Variants in CASP2 observed in about 807,000 individuals in gnomAD.
CASP2 encodes the protein caspase 2.
In CASP2, 38 loss-of-function variants were observed where a neutral mutation model predicts 54.4. The ratio of observed to expected loss-of-function variants is 0.70; its 90% CI spans 0.54 to 0.92. CASP2 has a LOEUF of 0.92. CASP2 is among the 40% of genes least tolerant of loss of function. CASP2 has a pLI of 0.00. For missense variants in CASP2, 512 were observed against 579.6 expected (o/e 0.88, Z 1.20); for synonymous variants, 215 against 216.3 (o/e 0.99, Z 0.05).
At chr7:143,294,840 T>A in intron 6 of CASP2, 67 bp downstream of exon 6, 2 of 1,389,142 alleles carry the variant, frequency 1.4e-6, no homozygotes, top group Non-Finnish European at 2.0e-6. Flanking sequence ...ACCAGAGACA[T>A]CGTTTGTTCC....
At chr7:143,297,525 C>T (rs1801791570) in intron 6 of CASP2, among the ~76,000 whole-genome samples, 1 of 152,190 alleles carries the variant, frequency 6.6e-6, no homozygotes, top group African/African-American at 2.4e-5. Flanking sequence ...GGGCTCATTG[C>T]AACCTCTGCC....
intron 8 of CASP2, chr7:143,300,773 C>G: frequency 2.5e-6 from 3 of 1,185,906 alleles, no homozygotes; most frequent in African/African-American, 1.6e-5. Flanking sequence ...TTTCTTCTTA[C>G]CATTCTTGGG....
At chr7:143,301,283 CAT>C (rs557493874) in intron 8 of CASP2, 3 of 151,862 alleles carry the variant, frequency 2.0e-5, no homozygotes, top group Non-Finnish European at 4.4e-5. Flanking sequence ...TTTAATCTCT[CAT>C]GTGGCCAAAT....
intron 4 of CASP2, chr7:143,293,147 A>C (rs1801636143): frequency 1.6e-6 from 1 of 638,900 alleles, no homozygotes; most frequent in East Asian, 2.8e-5. Flanking sequence ...TTTTTTTCAG[A>C]AATAGGGTCT....
intron 6 of CASP2, among the ~76,000 whole-genome samples, chr7:143,296,052 A>T (rs1052491840): frequency 2.0e-5 from 3 of 152,178 alleles, no homozygotes; most frequent in Non-Finnish European, 4.4e-5. Context: ...ATGGTTTTTC[A>T]AGTTGTATGC....
chr7:143,292,839 C>T (rs897340884), intron 4 of CASP2, 141 bp downstream of exon 4: 25 of 706,628 alleles, frequency 3.5e-5, no homozygotes, highest in African/African-American at 2.5e-4. Context: ...GGTGAAACCC[C>T]GTCTCTACTA....
At chr7:143,304,599 C>T (rs1802012502) in intron 9 of CASP2, 75 bp from the exon 10 acceptor site, 1 of 1,064,108 alleles carries the variant, frequency 9.4e-7, no homozygotes, top group African/African-American at 1.6e-5. Context: ...GTGCAGGTGT[C>T]ATGGCCGAGT....
rs540192652 is a variant in CASP2, at chr7:143,304,119, C to T, written c.1117+186C>T. ...CGTTATACTTACTAGTTGAGTATCC[C>T]GTATCCAAATATTCTAAATTTAAAA... is the stretch of plus-strand genomic sequence containing the variant. On this transcript the variant is annotated intron_variant, in intron 9 of 10. Transcript: ENST00000310447. 6.6e-5 allele frequency among the ~76,000 whole-genome samples: 10 copies of T among 152,146 alleles called. No homozygotes were observed. The South Asian group carries it at 1.9e-3, about 28-fold the overall frequency.
At position 143,307,256 on chromosome 7, in the gene CASP2, C is replaced by T. The variant is rs1187444622; in HGVS notation, c.*2185C>T. On this transcript the variant is annotated 3_prime_UTR_variant, in exon 11 of 11. Transcript: ENST00000310447. ...CAGAAACCTTGTTTGTTTTATTCAC[C>T]ATCATGTACCAAGTGCTTGGCACAT... 6.6e-6 allele frequency: 1 copy of T among 152,190 alleles called. No individual in the cohort carries two copies. Among genetic ancestry groups the T allele is most frequent in the East Asian group, 1.9e-4 (1 of 5,202 alleles). 9.4% of individuals were successfully genotyped at this position (152,190 alleles called of 1,614,324 possible).
In CASP2 at chr7:143,288,513, G is replaced by A. The variant is rs773366583; in HGVS notation, c.58G>A (p.Ala20Thr). 5 of 1,613,118 alleles carry A rather than the reference G, an allele frequency of 3.1e-6. No homozygotes were observed. The highest frequency in any genetic ancestry group is 1.7e-5 in the Admixed American group (1 of 59,992). ...STFQHKELMA[A>T]DRGRRILGVC... ...CTTCCAGCACAAGGAGCTGATGGCC[G>A]CTGACAGGGGACGCAGGTAAGTAGG... The change falls in exon 1 of 11, where the codon GCT becomes ACT. Residue 20 changes from alanine to threonine, a missense_variant. Physicochemically the swap from Ala to Thr is moderately conservative, Grantham distance 58. Around this residue, in one of 3 missense-constraint regions of CASP2, gnomAD observed 89 missense variants for 67.1 expected, o/e 1.33. Transcript: ENST00000310447.
intron 1 of CASP2, chr7:143,289,712 C>T (rs977958190): frequency 1.8e-6 from 1 of 554,410 alleles, no homozygotes. Flanking sequence ...TTGACGTATT[C>T]GAAAGTGATT....
chr7:143,293,106 T>C (rs1369233226), intron 4 of CASP2: 1 of 614,592 alleles, frequency 1.6e-6, no homozygotes, highest in East Asian at 2.7e-5. Context: ...ACATGAGCCC[T>C]TTTTTTTGTT....
chr7:143,303,680 C>A, intron 8 of CASP2, 104 bp from the exon 9 acceptor site: 1 of 964,714 alleles, frequency 1.0e-6, no homozygotes, highest in East Asian at 2.5e-5. Flanking sequence ...CTGGAAATGG[C>A]TCTTCCCCTT....
intron 8 of CASP2, 114 bp downstream of exon 8, chr7:143,300,408 T>A (rs1240226111): frequency 1.3e-5 from 21 of 1,599,176 alleles, no homozygotes; most frequent in Non-Finnish European, 1.8e-5. Flanking sequence ...GGCACCTCCT[T>A]CTGTTCACTG....
chr7:143,306,101 G>T lies in CASP2; in HGVS notation c.*1030G>T, dbSNP rs914590989. 6.6e-6 allele frequency: 1 copy of T among 152,050 alleles called. No individual in the cohort carries two copies. The highest frequency in any genetic ancestry group is 2.4e-5 in the African/African-American group (1 of 41,388). 9.4% of individuals were successfully genotyped at this position (152,050 alleles called of 1,614,324 possible). On this transcript the variant is annotated 3_prime_UTR_variant, in exon 11 of 11. Coordinates refer to ENST00000310447, the MANE Select transcript of CASP2 (RefSeq NM_032982.4). Reference sequence around the variant, plus strand: ...TGTAAATGCTCAAAGATGTAATGTAGTTCTTTGTTCCTGCTTTCTCTTTCA... The same window carrying T: ...TGTAAATGCTCAAAGATGTAATGTATTTCTTTGTTCCTGCTTTCTCTTTCA...
At chr7:143,294,921 T>C (rs1801697449) in intron 6 of CASP2, 148 bp downstream of exon 6, 1 of 741,038 alleles carries the variant, frequency 1.3e-6, no homozygotes, top group Non-Finnish European at 2.3e-6. Flanking sequence ...GTTCTGCCTC[T>C]CACCTTGCAT....
chr7:143,307,034 C>G lies in CASP2; in HGVS notation c.*1963C>G, dbSNP rs1035613636. On this transcript the variant is annotated 3_prime_UTR_variant, in exon 11 of 11. Coordinates refer to ENST00000310447, the MANE Select transcript of CASP2 (RefSeq NM_032982.4). ...TTTCCTGGGCCTTCTCAGCTCTCCACCCCCACCACTCTTGACTCAGGTGGT... is the reference window on the plus strand; with the variant it reads ...TTTCCTGGGCCTTCTCAGCTCTCCAGCCCCACCACTCTTGACTCAGGTGGT... 6.6e-6 allele frequency: 1 copy of G among 152,362 alleles called. No individual in the cohort carries two copies. Among genetic ancestry groups the G allele is most frequent in the Non-Finnish European group, 1.5e-5 (1 of 68,192 alleles). 9.4% of individuals were successfully genotyped at this position (152,362 alleles called of 1,614,324 possible). A position where few individuals can be genotyped will look rare whatever the true frequency, so the allele number is the denominator to read the frequency against.
At chr7:143,293,634 T>C (rs751221545) in intron 4 of CASP2, among the ~76,000 whole-genome samples, 1 of 151,886 alleles carries the variant, frequency 6.6e-6, no homozygotes, top group Non-Finnish European at 1.5e-5. Context: ...CTCAGCCTCC[T>C]GAGTAGCTAG....
chr7:143,305,539 C>A lies in CASP2; in HGVS notation c.*468C>A. The A allele has an allele frequency of 3.6e-6, 1 of 278,810 alleles. No homozygotes were observed. Among genetic ancestry groups the A allele is most frequent in the Non-Finnish European group, 7.1e-6 (1 of 141,664 alleles). 17.3% of individuals were successfully genotyped at this position (278,810 alleles called of 1,614,324 possible). ...CCTAGAGTGAGAGTTTGGAAGGTGT[C>A]CAAATTTAATGTAGACATTATCTTT... is the stretch of plus-strand genomic sequence containing the variant. On this transcript the variant is annotated 3_prime_UTR_variant, in exon 11 of 11. Transcript: ENST00000310447.
Sources: allele counts gnomAD v4.1 joint callset (sites outside exome capture counted in the v4.1 genomes callset), GRCh38; gene constraint gnomAD v4.1.1; regional missense constraint gnomAD v4.1.1; transcripts MANE v1.5; gene names NCBI Gene and HGNC (gene_info 2026-07-23, HGNC 2026-07-21).